The following EXT1 variants were observed in gnomAD, a reference collection of about 807,000 sequenced individuals.
EXT1 encodes exostosin glycosyltransferase 1, also known as exostosin-1.
EXT1 carries 20 observed loss-of-function variants against 82.5 expected under a neutral mutation model. The observed-to-expected ratio is 0.24, with a 90% confidence interval of 0.17 to 0.35. The LOEUF (loss-of-function observed/expected upper bound fraction) is 0.35. EXT1 is among the 10% of genes least tolerant of loss of function. The pLI is 1.00. For synonymous variants in EXT1, 348 were observed against 350.8 expected, an observed-to-expected ratio of 0.99 and a Z score of 0.09; for missense variants, 757 against 936.5, an observed-to-expected ratio of 0.81 and a Z score of 2.50.
intron 1 of EXT1, among the ~76,000 whole-genome samples, chr8:117,928,174 A>T (rs1412521924): frequency 6.6e-6 from 1 of 152,338 alleles, no homozygotes; most frequent in South Asian, 2.1e-4. Context: ...GCAGGTGAAG[A>T]GCCAGGACAT....
At chr8:117,895,641 T>G (rs1052297190) in intron 1 of EXT1, among the ~76,000 whole-genome samples, 1 of 152,172 alleles carries the variant, frequency 6.6e-6, no homozygotes, top group Non-Finnish European at 1.5e-5. Context: ...ATAATGAGAA[T>G]GTTTACCCAC....
intron 1 of EXT1, among the ~76,000 whole-genome samples, chr8:118,042,993 T>A (rs1297317626): frequency 6.6e-6 from 1 of 152,222 alleles, no homozygotes; most frequent in Non-Finnish European, 1.5e-5. Context: ...CTCTGTTTAA[T>A]GTGCTAGCAT....
At chr8:117,917,721 G>C (rs1371704250) in intron 1 of EXT1, among the ~76,000 whole-genome samples, 1 of 152,140 alleles carries the variant, frequency 6.6e-6, no homozygotes, top group Non-Finnish European at 1.5e-5. Context: ...CTCCACTGTA[G>C]AGAAGACAGA....
chr8:117,977,803 G>A (rs914895027), intron 1 of EXT1, among the ~76,000 whole-genome samples: 3 of 152,120 alleles, frequency 2.0e-5, no homozygotes, highest in Non-Finnish European at 2.9e-5. Context: ...ATGACCAGTG[G>A]CCTGGTGGGT....
At chr8:118,017,707 T>C (rs1816027705) in intron 1 of EXT1, among the ~76,000 whole-genome samples, 1 of 152,214 alleles carries the variant, frequency 6.6e-6, no homozygotes, top group Non-Finnish European at 1.5e-5. Flanking sequence ...AACTCAAATC[T>C]GCATAATCTT....
rs375138320 is a variant in EXT1, at chr8:118,110,896, G to A, written c.151C>T (p.Pro51Ser). 3 of 1,613,934 alleles carry A rather than the reference G, an allele frequency of 1.9e-6. No homozygotes were observed. Among genetic ancestry groups the A allele is most frequent in the African/African-American group, 2.7e-5 (2 of 74,902 alleles). ...SGRNGLHHPS[P>S]DHFWPRFPDA... ...GGGAAGCGGGGCCAGAAATGATCCG[G>A]ACTGGGGTGGTGCAAGCCATTCCTA... Residue 51 changes from proline to serine, a missense_variant, in exon 1 of 11, where the codon CCG becomes TCG. By Grantham distance (74) the Pro-to-Ser change is moderately conservative. This residue lies in a region of EXT1 where 175 missense variants were observed against 159.0 expected (regional missense o/e 1.10). Coordinates refer to ENST00000378204, the MANE Select transcript of EXT1 (RefSeq NM_000127.3).
At chr8:117,897,138 A>G (rs969549081) in intron 1 of EXT1, among the ~76,000 whole-genome samples, 3 of 152,206 alleles carry the variant, frequency 2.0e-5, no homozygotes, top group Non-Finnish European at 2.9e-5. Flanking sequence ...CCAGTTAAGA[A>G]CTGAATAATT....
At chr8:118,042,226 TCAA>T (rs1816544776) in intron 1 of EXT1, among the ~76,000 whole-genome samples, 3 of 152,266 alleles carry the variant, frequency 2.0e-5, no homozygotes, top group African/African-American at 2.4e-5. Context: ...GATCAAGAAG[TCAA>T]CAACAAAGGA....
chr8:117,840,038 C>G (rs1160856607), intron 1 of EXT1, among the ~76,000 whole-genome samples: 1 of 152,192 alleles, frequency 6.6e-6, no homozygotes, highest in East Asian at 1.9e-4. Flanking sequence ...TGTGGCCACT[C>G]TCCCCAGCAA....
intron 1 of EXT1, among the ~76,000 whole-genome samples, chr8:117,889,607 C>T (rs955141363): frequency 6.6e-6 from 1 of 152,100 alleles, no homozygotes; most frequent in Non-Finnish European, 1.5e-5. Flanking sequence ...ATGCAAGTAC[C>T]TAAAGGTCAG....
At chr8:118,015,967 C>T (rs1189190516) in intron 1 of EXT1, among the ~76,000 whole-genome samples, 1 of 152,188 alleles carries the variant, frequency 6.6e-6, no homozygotes, top group African/African-American at 2.4e-5. Context: ...CCAAGGAATG[C>T]CTGGGGCTAC....
intron 1 of EXT1, among the ~76,000 whole-genome samples, chr8:117,929,216 T>C (rs1179374230): frequency 2.0e-5 from 3 of 152,098 alleles, no homozygotes; most frequent in Non-Finnish European, 4.4e-5. Flanking sequence ...AACACTGAGC[T>C]CAAGGAAGAA....
At chr8:117,987,607 A>C (rs1405165570) in intron 1 of EXT1, among the ~76,000 whole-genome samples, 1 of 152,218 alleles carries the variant, frequency 6.6e-6, no homozygotes, top group Non-Finnish European at 1.5e-5. Flanking sequence ...TCAGAGTCAA[A>C]TCTTAGGCTC....
chr8:118,111,398 C>G lies in EXT1; in HGVS notation c.-352G>C, dbSNP rs1048927088. ...GGGAGAAAAAAAAAGCTCCCGATAC[C>G]CAATCAATGGCAAGACGAAGTGATT... On this transcript the variant is annotated 5_prime_UTR_variant, in exon 1 of 11. Coordinates refer to ENST00000378204, the MANE Select transcript of EXT1 (RefSeq NM_000127.3). The G allele has an allele frequency of 3.2e-5, 18 of 560,496 alleles. No homozygotes were observed. Among genetic ancestry groups the G allele is most frequent in the Middle Eastern group, 4.7e-4 (1 of 2,150 alleles). 34.7% of individuals were successfully genotyped at this position (560,496 alleles called of 1,614,324 possible).
At chr8:117,936,158 C>A (rs1241295288) in intron 1 of EXT1, among the ~76,000 whole-genome samples, 1 of 152,192 alleles carries the variant, frequency 6.6e-6, no homozygotes, top group South Asian at 2.1e-4. Flanking sequence ...AAGGGAAGGA[C>A]ATTACATCCA....
intron 1 of EXT1, among the ~76,000 whole-genome samples, chr8:118,049,006 TCCC>T (rs566508857): frequency 6.6e-6 from 1 of 151,512 alleles, no homozygotes; most frequent in Non-Finnish European, 1.5e-5. Context: ...TGATACCCAC[TCCC>T]CCCAGAAGAA....
At position 117,798,690 on chromosome 8, in the gene EXT1, CCTT is replaced by C. The variant is rs1163553818; in HGVS notation, c.*1019_*1021del. 5 of 152,140 alleles carry C rather than the reference CCTT, an allele frequency of 3.3e-5. No individual in the cohort carries two copies. The highest frequency in any genetic ancestry group is 1.2e-4 in the African/African-American group (5 of 41,416). 9.4% of individuals were successfully genotyped at this position (152,140 alleles called of 1,614,324 possible). A position where few individuals can be genotyped will look rare whatever the true frequency, so the allele number is the denominator to read the frequency against. On this transcript the variant is annotated 3_prime_UTR_variant, in exon 11 of 11. Transcript: ENST00000378204. ...TCTTGTTCATTGGTGTGAATTTCTA[CCTT>C]ATTACCCCTTTTTCTTTCTCAAAAG...
chr8:118,023,678 T>C (rs1272498711), intron 1 of EXT1, among the ~76,000 whole-genome samples: 1 of 152,246 alleles, frequency 6.6e-6, no homozygotes, highest in African/African-American at 2.4e-5. Context: ...ATGTTTTCTT[T>C]TTTTAGACAC....
intron 1 of EXT1, among the ~76,000 whole-genome samples, chr8:118,033,945 G>C (rs1339552911): frequency 2.0e-5 from 3 of 152,146 alleles, no homozygotes; most frequent in African/African-American, 7.2e-5. Flanking sequence ...CAAACTGTTA[G>C]AAAAGAGATG....
Sources: allele counts gnomAD v4.1 joint callset (sites outside exome capture counted in the v4.1 genomes callset), GRCh38; gene constraint gnomAD v4.1.1; regional missense constraint gnomAD v4.1.1; transcripts MANE v1.5; gene names NCBI Gene and HGNC (gene_info 2026-07-23, HGNC 2026-07-21).